The following DMD variants were observed in gnomAD, a reference collection of about 807,000 sequenced individuals.
DMD encodes mutant dystrophin.
Under a neutral mutation model 330.1 loss-of-function variants are expected in DMD, and 63 were observed. The ratio of observed to expected loss-of-function variants is 0.19; its 90% CI spans 0.16 to 0.24. The LOEUF is 0.24. Among genes scored for constraint, DMD ranks in the 10% least tolerant of loss-of-function variants. The probability of loss-of-function intolerance (pLI) is 1.00; values close to 1 mark genes in which losing one functional copy is unlikely to be tolerated. For synonymous variants in DMD, 1,223 were observed against 959.8 expected, an observed-to-expected ratio of 1.27 and a Z score of -5.07; for missense variants, 3,344 against 2,684.1, an observed-to-expected ratio of 1.25 and a Z score of -5.43.
chrX:31,622,294 G>A (rs951625826), intron 55 of DMD, among the ~76,000 whole-genome samples: 8 of 108,724 alleles, frequency 7.4e-5, no homozygotes, highest in East Asian at 2.9e-4. Flanking sequence ...TTTCCACACC[G>A]ACAGACACAC....
rs188579131 is a variant in DMD, at chrX:31,240,670, T to C, written c.9287-17549A>G. On this transcript the variant is annotated intron_variant, in intron 63 of 78. Coordinates refer to ENST00000357033, the MANE Select transcript of DMD (RefSeq NM_004006.3). Reference sequence around the variant, plus strand: ...AAATAATAGTAATAATGGTTATCATTTATTAGGTGCTTACCCTATGTTTGC... The same window carrying C: ...AAATAATAGTAATAATGGTTATCATCTATTAGGTGCTTACCCTATGTTTGC... Among the ~76,000 whole-genome samples, 970 of 111,632 alleles carry C rather than the reference T, an allele frequency of 8.7e-3. 12 individuals are homozygous for C. Among genetic ancestry groups the C allele is most frequent in the African/African-American group, 0.029 (901 of 30,762 alleles).
intron 43 of DMD, among the ~76,000 whole-genome samples, chrX:32,241,469 T>A (rs1445903902): frequency 1.8e-5 from 2 of 112,419 alleles, no homozygotes; most frequent in Non-Finnish European, 3.8e-5. Flanking sequence ...TCCCCAGGTT[T>A]TCTTTCACGA....
chrX:32,821,543 G>A (rs900249041), intron 5 of DMD, among the ~76,000 whole-genome samples: 6 of 109,180 alleles, frequency 5.5e-5, no homozygotes, highest in South Asian at 8.1e-4. Flanking sequence ...AGCCGAGATC[G>A]CGCCACTGCA....
chrX:32,891,109 G>C (rs747314941), intron 2 of DMD, among the ~76,000 whole-genome samples: 50 of 112,521 alleles, frequency 4.4e-4, no homozygotes, highest in Admixed American at 9.4e-4. Context: ...TACTCAAAAA[G>C]TTTAAATTAC....
chrX:32,590,428 C>T (rs2054771720), intron 13 of DMD, among the ~76,000 whole-genome samples: 1 of 111,410 alleles, frequency 9.0e-6, no homozygotes, highest in African/African-American at 3.3e-5. Context: ...AGTATTGTTT[C>T]TTCCGGGTGT....
intron 2 of DMD, among the ~76,000 whole-genome samples, chrX:32,896,512 G>C (rs1055667996): frequency 2.7e-5 from 3 of 111,467 alleles, no homozygotes; most frequent in Non-Finnish European, 5.7e-5. Context: ...CTATAGATTA[G>C]AAAAAAATCG....
At chrX:31,679,045 A>G (rs1201023238) in intron 53 of DMD, among the ~76,000 whole-genome samples, 1 of 110,444 alleles carries the variant, frequency 9.1e-6, no homozygotes, top group Non-Finnish European at 1.9e-5. Flanking sequence ...CCATCTCTAC[A>G]GAAAACAAAA....
At chrX:31,814,517 A>G (rs1230441849) in intron 50 of DMD, among the ~76,000 whole-genome samples, 32 of 80,880 alleles carry the variant, frequency 4.0e-4, no homozygotes, top group African/African-American at 1.6e-3. Flanking sequence ...AAAAAAAAAG[A>G]AAACTCTGTT....
At chrX:32,394,926 A>C (rs1352029205) in intron 30 of DMD, among the ~76,000 whole-genome samples, 3 of 101,397 alleles carry the variant, frequency 3.0e-5, no homozygotes, top group Admixed American at 1.1e-4. Flanking sequence ...CAAAAAAAAA[A>C]AAAAAAAGAA....
chrX:33,124,853 C>A (rs992819696), intron 1 of DMD, among the ~76,000 whole-genome samples: 1 of 107,590 alleles, frequency 9.3e-6, no homozygotes, highest in African/African-American at 3.4e-5. Flanking sequence ...GGAGAAACTC[C>A]GTCTCTCCTA....
intron 8 of DMD, 34 bp downstream of exon 8, chrX:32,699,078 A>G (rs1393918135): frequency 8.6e-7 from 1 of 1,169,265 alleles, no homozygotes. Context: ...AACAGAAAAC[A>G]TCTTGAATAG....
At chrX:32,709,297 A>G (rs954691076) in intron 7 of DMD, among the ~76,000 whole-genome samples, 1 of 112,157 alleles carries the variant, frequency 8.9e-6, no homozygotes, top group Non-Finnish European at 1.9e-5. Flanking sequence ...AAAGAGAGTA[A>G]GCATCCAAAA....
chrX:31,490,569 GA>G (rs2069202058), intron 57 of DMD, among the ~76,000 whole-genome samples: 1 of 111,301 alleles, frequency 9.0e-6, no homozygotes, highest in African/African-American at 3.3e-5. Context: ...AAAAATTAAA[GA>G]AAAAATAAAT....
At chrX:32,268,426 G>C (rs775308082) in intron 43 of DMD, among the ~76,000 whole-genome samples, 1 of 111,840 alleles carries the variant, frequency 8.9e-6, no homozygotes, top group Non-Finnish European at 1.9e-5. Context: ...CCTGCACCTT[G>C]TCTAAGATAA....
At chrX:31,889,906 A>G (rs1175487452) in intron 47 of DMD, among the ~76,000 whole-genome samples, 1 of 110,219 alleles carries the variant, frequency 9.1e-6, no homozygotes, top group Non-Finnish European at 1.9e-5. Flanking sequence ...AGGAAATATC[A>G]TTTTTAATAT....
intron 41 of DMD, among the ~76,000 whole-genome samples, chrX:32,331,045 G>A (rs1440913939): frequency 2.7e-5 from 3 of 111,765 alleles, no homozygotes; most frequent in Non-Finnish European, 5.7e-5. Context: ...AATTTTATAG[G>A]ATCTTAGGAA....
chrX:32,222,159 C>T (rs1258640648), intron 43 of DMD, among the ~76,000 whole-genome samples: 1 of 111,994 alleles, frequency 8.9e-6, no homozygotes, highest in Non-Finnish European at 1.9e-5. Flanking sequence ...TTTAAGAAAT[C>T]TTCATACTGT....
At chrX:32,720,001 T>C (rs2066116736) in intron 7 of DMD, among the ~76,000 whole-genome samples, 1 of 110,059 alleles carries the variant, frequency 9.1e-6, no homozygotes, top group African/African-American at 3.3e-5. Flanking sequence ...CACACACACG[T>C]TTTAATATTA....
chrX:31,773,449 T>C (rs1038459701), intron 51 of DMD, among the ~76,000 whole-genome samples: 1 of 111,764 alleles, frequency 8.9e-6, no homozygotes, highest in Non-Finnish European at 1.9e-5. Context: ...ATATCTTATG[T>C]TTTGTTACTT....
Sources: allele counts gnomAD v4.1 joint callset (sites outside exome capture counted in the v4.1 genomes callset), GRCh38; gene constraint gnomAD v4.1.1; transcripts MANE v1.5; gene names NCBI Gene and HGNC (gene_info 2026-07-23, HGNC 2026-07-21).